ANO6: variants seen among roughly 807,000 people sequenced by gnomAD.
The protein encoded by ANO6 is anoctamin 6, also known as anoctamin-6.
Under a neutral mutation model 117.5 loss-of-function variants are expected in ANO6, and 106 were observed. That is an observed-to-expected ratio of 0.90 (90% CI 0.77 to 1.06). The LOEUF (loss-of-function observed/expected upper bound fraction) is 1.06. Among genes scored for constraint, ANO6 ranks in the 50% least tolerant of loss-of-function variants. ANO6 has a pLI of 0.00. For synonymous variants in ANO6, 367 were observed against 385.1 expected, an observed-to-expected ratio of 0.95 and a Z score of 0.55; for missense variants, 955 against 1,121.1, an observed-to-expected ratio of 0.85 and a Z score of 2.12.
At chr12:45,298,730 C>G (rs941044904) in intron 1 of ANO6, among the ~76,000 whole-genome samples, 2 of 152,152 alleles carry the variant, frequency 1.3e-5, no homozygotes, top group African/African-American at 4.8e-5. Context: ...ATAAATAGTT[C>G]TAATTTCTTT....
chr12:45,437,984 G>A (rs535076858), intron 19 of ANO6, among the ~76,000 whole-genome samples: 1 of 152,230 alleles, frequency 6.6e-6, no homozygotes, highest in East Asian at 1.9e-4. Context: ...AAGCACGAGG[G>A]TAGCAAAAAA....
At chr12:45,428,247 A>G (rs1213872635) in intron 19 of ANO6, among the ~76,000 whole-genome samples, 1 of 152,244 alleles carries the variant, frequency 6.6e-6, no homozygotes. Flanking sequence ...GTGTAGTCAC[A>G]CAGAAGAATA....
chr12:45,361,813 C>T (rs963957118), intron 8 of ANO6, among the ~76,000 whole-genome samples: 3 of 152,040 alleles, frequency 2.0e-5, no homozygotes, highest in Non-Finnish European at 2.9e-5. Flanking sequence ...AACTTTTGTA[C>T]TTTGAATCAT....
chr12:45,255,257 G>C (rs1937768622), intron 1 of ANO6, among the ~76,000 whole-genome samples: 1 of 152,154 alleles, frequency 6.6e-6, no homozygotes, highest in South Asian at 2.1e-4. Context: ...ATTAGCGCAT[G>C]CTCCCTCTGC....
intron 1 of ANO6, among the ~76,000 whole-genome samples, chr12:45,241,267 C>G (rs1030644411): frequency 6.6e-6 from 1 of 152,132 alleles, no homozygotes; most frequent in African/African-American, 2.4e-5. Flanking sequence ...TCTTTTTTCT[C>G]TAATCTTGTC....
chr12:45,275,972 C>T (rs1263529208), intron 1 of ANO6, among the ~76,000 whole-genome samples: 1 of 152,066 alleles, frequency 6.6e-6, no homozygotes, highest in Non-Finnish European at 1.5e-5. Context: ...TTCTAGACGC[C>T]GTACCCTCCT....
chr12:45,352,727 CAAA>C (rs34198115), intron 7 of ANO6, among the ~76,000 whole-genome samples: 3 of 118,228 alleles, frequency 2.5e-5, no homozygotes, highest in Non-Finnish European at 1.9e-5. Context: ...ACCCTGTCTC[CAAA>C]AAAAAAAAAA....
At chr12:45,321,764 C>G (rs1940281361) in intron 2 of ANO6, among the ~76,000 whole-genome samples, 1 of 152,094 alleles carries the variant, frequency 6.6e-6, no homozygotes, top group Non-Finnish European at 1.5e-5. Flanking sequence ...TTTTAATGCA[C>G]AACTCAAAAA....
At chr12:45,220,157 C>T (rs534390890) in intron 1 of ANO6, among the ~76,000 whole-genome samples, 46 of 152,134 alleles carry the variant, frequency 3.0e-4, no homozygotes, top group African/African-American at 1.1e-3. Context: ...TCAAGCTTTG[C>T]TGAAGGAGGA....
At chr12:45,244,402 T>A (rs1012003261) in intron 1 of ANO6, among the ~76,000 whole-genome samples, 1 of 105,620 alleles carries the variant, frequency 9.5e-6, no homozygotes, top group African/African-American at 4.3e-5. Context: ...GCTTCTCTAT[T>A]TGGGGGGGGG....
Position 45,347,068 on chromosome 12 carries a change from A to G in ANO6, c.326A>G (p.Gln109Arg), listed in dbSNP as rs148800881. The G allele has an allele frequency of 8.7e-5, 141 of 1,614,088 alleles. 1 individual carries two copies. Among genetic ancestry groups the G allele is most frequent in the East Asian group, 4.7e-4 (21 of 44,880 alleles). ...TCTAACCTTATCTGTCATGGCCTGC[A>G]GTTAGAAGCAACAAGATCAGTAAGT... ...YESNLICHGLQLEATRSVLDD... is the reference protein window; with the variant it reads ...YESNLICHGLRLEATRSVLDD... The change falls in exon 4 of 20, where the codon CAG becomes CGG. Residue 109 changes from glutamine (Q) to arginine (R), a missense_variant. Transcript: ENST00000320560.
chr12:45,225,747 C>T (rs528036926), intron 1 of ANO6, among the ~76,000 whole-genome samples: 63 of 152,304 alleles, frequency 4.1e-4, no homozygotes, highest in African/African-American at 1.5e-3. Flanking sequence ...CCTCGGCCTT[C>T]CAAAGTGCTG....
intron 1 of ANO6, among the ~76,000 whole-genome samples, chr12:45,263,491 C>T (rs67333537): frequency 0.21 from 32,032 of 150,506 alleles, 3,983 homozygotes; most frequent in South Asian, 0.48. Flanking sequence ...GGATCACAGT[C>T]GTGAGCTGCC....
chr12:45,411,862 C>T (rs907388722), intron 16 of ANO6, among the ~76,000 whole-genome samples: 1 of 152,196 alleles, frequency 6.6e-6, no homozygotes, highest in Non-Finnish European at 1.5e-5. Context: ...GCCTGCCTCT[C>T]TCCCCATTGC....
intron 12 of ANO6, among the ~76,000 whole-genome samples, chr12:45,397,939 A>G (rs563564155): frequency 5.3e-5 from 8 of 151,910 alleles, no homozygotes; most frequent in Non-Finnish European, 1.2e-4. Context: ...CTATGTGTCA[A>G]ACCTGCACGT....
chr12:45,440,188 C>A (rs1943755085), exon 20 of ANO6: 2 of 328,632 alleles, frequency 6.1e-6, no homozygotes, highest in Admixed American at 9.7e-5. Flanking sequence ...TCTGAAATGC[C>A]TTCATGCCAT....
chr12:45,372,699 C>A (rs1941880499), intron 9 of ANO6, among the ~76,000 whole-genome samples: 1 of 152,018 alleles, frequency 6.6e-6, no homozygotes, highest in Non-Finnish European at 1.5e-5. Flanking sequence ...CCTAAAAGAG[C>A]TCCTGAAGGA....
At chr12:45,226,728 C>T (rs537239540) in intron 1 of ANO6, among the ~76,000 whole-genome samples, 16 of 152,118 alleles carry the variant, frequency 1.1e-4, no homozygotes, top group African/African-American at 3.9e-4. Flanking sequence ...CAGTCTTATA[C>T]ATGCTTTTTT....
intron 1 of ANO6, among the ~76,000 whole-genome samples, chr12:45,243,437 A>T (rs1389411814): frequency 6.6e-6 from 1 of 152,192 alleles, no homozygotes; most frequent in Admixed American, 6.5e-5. Context: ...AGTATTGTCC[A>T]CCCATGATAA....
Sources: gnomAD v4.1 joint callset for allele counts (sites outside exome capture counted in the v4.1 genomes callset) on GRCh38, gnomAD v4.1.1 for gene constraint, MANE v1.5 for transcripts, NCBI Gene and HGNC (gene_info 2026-07-23, HGNC 2026-07-21) for gene names.